Variants in SRSF1 observed in about 807,000 individuals in gnomAD.
The protein encoded by SRSF1 is serine/arginine-rich splicing factor 1.
A neutral mutation model predicts 25.9 loss-of-function variants in SRSF1; 1 was observed. The ratio of observed to expected loss-of-function variants is 0.04; its 90% CI spans 0.01 to 0.18. SRSF1 has a LOEUF of 0.18. Among genes scored for constraint, SRSF1 ranks in the 10% least tolerant of loss-of-function variants. The pLI, the probability that SRSF1 is intolerant of heterozygous loss-of-function variation, is 1.00. For synonymous variants in SRSF1, 132 were observed against 126.2 expected (o/e 1.05, Z -0.31); for missense variants, 65 against 350.5 (o/e 0.19, Z 6.50).
intron 2 of SRSF1, 52 bp from the exon 3 acceptor site, chr17:58,006,025 T>A: frequency 6.5e-7 from 1 of 1,546,334 alleles, no homozygotes; most frequent in Non-Finnish European, 8.8e-7. Flanking sequence ...AATTTCACGT[T>A]AAGCTGGTAA....
rs2075393783 is a variant in SRSF1 at position 58,001,904 on chromosome 17, G to A, written c.*3502C>T. On this transcript the variant is annotated 3_prime_UTR_variant, in exon 4 of 4. Transcript: ENST00000258962. Reference sequence around the variant, plus strand: ...AAGGAATACTGTCTCATTTCAATGTGAGGTTAGAATTACTATAACTTTTAG... The same window carrying A: ...AAGGAATACTGTCTCATTTCAATGTAAGGTTAGAATTACTATAACTTTTAG... Among the ~76,000 whole-genome samples, 1 of 152,134 alleles carries A rather than the reference G, an allele frequency of 6.6e-6. No homozygotes were observed. The highest frequency in any genetic ancestry group is 1.5e-5 in the Non-Finnish European group (1 of 68,018).
At chr17:57,992,080 T>A in the SRSF1 span, 2 of 152,240 alleles carry the variant, frequency 1.3e-5, no homozygotes, top group African/African-American at 4.8e-5. Context: ...ATCACCTTCA[T>A]GCTTGTTGAA....
rs1490524878 is a variant in SRSF1, at chr17:58,004,140, A to C, written c.*1266T>G. On this transcript the variant is annotated 3_prime_UTR_variant, in exon 4 of 4. Transcript: ENST00000258962. ...AATAACTATCAAATTCCCCAAAACA[A>C]GTTTCTGAATGGTGTTCAGATAAAT... 1 of 152,668 alleles carries C rather than the reference A, an allele frequency of 6.6e-6. No individual in the cohort carries two copies. Among genetic ancestry groups the C allele is most frequent in the Non-Finnish European group, 1.5e-5 (1 of 68,040 alleles). 9.5% of individuals were successfully genotyped at this position (152,668 alleles called of 1,614,324 possible). A position where few individuals can be genotyped will look rare whatever the true frequency, so the allele number is the denominator to read the frequency against.
In SRSF1 at chr17:58,005,314, CA is replaced by C. The variant is rs1266868027; in HGVS notation, c.*91del. ...ATTCAACACTTTAGCCCATTCTGAA[CA>C]AAACAGTTTGAATTAAAAAATGAAA... On this transcript the variant is annotated 3_prime_UTR_variant, in exon 4 of 4. Transcript: ENST00000258962. This position sits in a 1 kb window ranked among gnomAD's most constrained non-coding sequence, Gnocchi z 5.2. The C allele has an allele frequency of 7.0e-7, 1 of 1,421,356 alleles. No individual in the cohort carries two copies. Among genetic ancestry groups the C allele is most frequent in the Non-Finnish European group, 9.7e-7 (1 of 1,032,532 alleles). The allele number at this position is 1,421,356 out of a possible 1,614,324, so 88.0% of individuals were successfully genotyped here. A position where few individuals can be genotyped will look rare whatever the true frequency, so the allele number is the denominator to read the frequency against.
the SRSF1 span, among the ~76,000 whole-genome samples, chr17:57,995,777 C>G: frequency 6.6e-6 from 1 of 152,194 alleles, no homozygotes. Flanking sequence ...TGGGCCTGCC[C>G]CTTTAACATC....
rs746732967 is a variant in SRSF1, at chr17:58,003,892, C to T, written c.*1514G>A. 5.2e-5 allele frequency: 8 copies of T among 152,592 alleles called. No individual in the cohort carries two copies. The highest frequency in any genetic ancestry group is 1.7e-4 in the African/African-American group (7 of 41,432). The allele number at this position is 152,592 out of a possible 1,614,324, so 9.5% of individuals were successfully genotyped here. ...TCCTATGTTCCTGGTAATCTGATCC[C>T]GCTCCATGAATCCTGGTAATTCATC... On this transcript the variant is annotated 3_prime_UTR_variant, in exon 4 of 4. Transcript: ENST00000258962.
chr17:57,989,741 G>GT, the SRSF1 span: 1 of 398,680 alleles, frequency 2.5e-6, no homozygotes, highest in Non-Finnish European at 4.4e-6. Flanking sequence ...TGAATGAGAA[G>GT]TTCTGCAGTT....
chr17:57,999,718 T>A (rs1356759221), downstream of SRSF1, among the ~76,000 whole-genome samples: 3 of 152,160 alleles, frequency 2.0e-5, no homozygotes, highest in African/African-American at 4.8e-5. Context: ...CACTTACCAA[T>A]GGAGAGCAGT....
the SRSF1 span, among the ~76,000 whole-genome samples, chr17:57,995,744 C>A: frequency 6.9e-6 from 1 of 145,186 alleles, no homozygotes; most frequent in Non-Finnish European, 1.5e-5. Flanking sequence ...GAATTTCTCA[C>A]CACAAGATCT....
At chr17:57,994,296 C>T in the SRSF1 span, 1 of 152,166 alleles carries the variant, frequency 6.6e-6, no homozygotes, top group Non-Finnish European at 1.5e-5. Context: ...ATGTTCTATA[C>T]ACTTTAGCTG....
At chr17:57,989,599 C>T in the SRSF1 span, 1 of 398,358 alleles carries the variant, frequency 2.5e-6, no homozygotes. Flanking sequence ...GTTTCCTTTC[C>T]ATCCACTAGA....
At position 58,002,806 on chromosome 17, in the gene SRSF1, GT is replaced by G. The variant is rs1369253162; in HGVS notation, c.*2599del. On this transcript the variant is annotated 3_prime_UTR_variant, in exon 4 of 4. Coordinates refer to ENST00000258962, the MANE Select transcript of SRSF1 (RefSeq NM_006924.5). The stretch of plus-strand genomic sequence containing the variant: ...GCAGGCAGATCACTTGAGGCCAGGA[GT>G]TTTGGGACCAGCCTGGGTAACACAG... 8.5e-5 allele frequency among the ~76,000 whole-genome samples: 13 copies of G among 152,128 alleles called. No homozygotes were observed. The highest frequency in any genetic ancestry group is 2.9e-4 in the African/African-American group (12 of 41,436).
chr17:57,999,856 C>T (rs757059471), downstream of SRSF1, among the ~76,000 whole-genome samples: 1 of 152,176 alleles, frequency 6.6e-6, no homozygotes, highest in African/African-American at 2.4e-5. Context: ...TTTCCACTAT[C>T]TTCATGTCCA....
At chr17:57,998,452 A>G (rs924996790), downstream of SRSF1, among the ~76,000 whole-genome samples, 6 of 152,180 alleles carry the variant, frequency 3.9e-5, no homozygotes, top group Non-Finnish European at 7.4e-5. Flanking sequence ...TGAGGGAACA[A>G]TTCTACCATG....
the SRSF1 span, chr17:57,989,893 C>T: frequency 5.0e-6 from 2 of 396,930 alleles, no homozygotes; most frequent in African/African-American, 4.1e-5. Flanking sequence ...AATGTCCAAA[C>T]CTAAGGAATT....
At chr17:57,997,890 G>A (rs564058868), downstream of SRSF1, among the ~76,000 whole-genome samples, 37 of 152,322 alleles carry the variant, frequency 2.4e-4, no homozygotes, top group South Asian at 7.5e-3. Context: ...TTGTTACACT[G>A]CGAACCAACA....
At chr17:58,006,647 A>C (rs1455000186) in intron 1 of SRSF1, 120 bp from the exon 2 acceptor site, 8 of 1,205,302 alleles carry the variant, frequency 6.6e-6, no homozygotes, top group Admixed American at 2.7e-5. Flanking sequence ...CATGCGCCGC[A>C]TAATAGGAAT....
chr17:58,004,705 G>C lies in SRSF1; in HGVS notation c.*701C>G. The C allele has an allele frequency of 3.0e-6, 1 of 330,854 alleles. No homozygotes were observed. The highest frequency in any genetic ancestry group is 5.5e-6 in the Non-Finnish European group (1 of 183,322). 20.5% of individuals were successfully genotyped at this position (330,854 alleles called of 1,614,324 possible). Reference sequence around the variant, plus strand: ...CATTAGTCCCTATTAAAACAAAAATGGGGGGAAGGGAGCAAAATAAGTTGC... The same window carrying C: ...CATTAGTCCCTATTAAAACAAAAATCGGGGGAAGGGAGCAAAATAAGTTGC... On this transcript the variant is annotated 3_prime_UTR_variant, in exon 4 of 4. Coordinates refer to ENST00000258962, the MANE Select transcript of SRSF1 (RefSeq NM_006924.5).
chr17:58,004,063 G>A lies in SRSF1; in HGVS notation c.*1343C>T, dbSNP rs2075410287. Reference sequence around the variant, plus strand: ...ATGTTAGATACTGTAATCAAAAAAGGTTTCTGGGGAATGATGAGTTATGTC... The same window carrying A: ...ATGTTAGATACTGTAATCAAAAAAGATTTCTGGGGAATGATGAGTTATGTC... On this transcript the variant is annotated 3_prime_UTR_variant, in exon 4 of 4. Coordinates refer to ENST00000258962, the MANE Select transcript of SRSF1 (RefSeq NM_006924.5). 1 of 152,584 alleles carries A rather than the reference G, an allele frequency of 6.6e-6. No individual in the cohort carries two copies. Among genetic ancestry groups the A allele is most frequent in the African/African-American group, 2.4e-5 (1 of 41,422 alleles). The allele number at this position is 152,584 out of a possible 1,614,324, so 9.5% of individuals were successfully genotyped here. A position where few individuals can be genotyped will look rare whatever the true frequency, so the allele number is the denominator to read the frequency against.
Sources: allele counts gnomAD v4.1 joint callset (sites outside exome capture counted in the v4.1 genomes callset), GRCh38; gene constraint gnomAD v4.1.1; non-coding constraint Gnocchi (gnomAD v3.1); transcripts MANE v1.5; gene names NCBI Gene and HGNC (gene_info 2026-07-23, HGNC 2026-07-21).